The following RBM47 variants were observed in gnomAD, a reference collection of about 807,000 sequenced individuals.
The protein encoded by RBM47 is RNA-binding protein 47.
A neutral mutation model predicts 47.1 loss-of-function variants in RBM47; 21 were observed. The observed-to-expected ratio is 0.45, with a 90% CI of 0.32 to 0.64. The LOEUF is 0.64. RBM47 is among the 30% of genes least tolerant of loss of function. The probability of loss-of-function intolerance (pLI) is 0.05; values close to 1 mark genes in which losing one functional copy is unlikely to be tolerated. For synonymous variants in RBM47, 375 were observed against 361.7 expected (o/e 1.04, Z -0.42); for missense variants, 708 against 870.9 (o/e 0.81, Z 2.35).
chr4:40,531,372 G>C (rs1018149154), intron 2 of RBM47, among the ~76,000 whole-genome samples: 21 of 151,968 alleles, frequency 1.4e-4, no homozygotes, highest in African/African-American at 4.4e-4. Context: ...GAGTAGCTGC[G>C]AAGGAGCTGA....
At chr4:40,580,477 G>A (rs201049535) in intron 1 of RBM47, among the ~76,000 whole-genome samples, 1 of 143,064 alleles carries the variant, frequency 7.0e-6, no homozygotes, top group African/African-American at 2.6e-5. Context: ...CACGTGGGAA[G>A]GCCAGATAAT....
In RBM47 at chr4:40,437,872, T is replaced by C. The variant is rs2154213153; in HGVS notation, c.1022A>G (p.Gln341Arg). 6.2e-7 allele frequency: 1 copy of C among 1,613,914 alleles called. No individual in the cohort carries two copies. The highest frequency in any genetic ancestry group is 8.5e-7 in the Non-Finnish European group (1 of 1,180,018). The part of the protein sequence containing the change: ...ARGGGAAEAA[Q>R]QPSYVYSCDP... Reference sequence around the variant, plus strand: ...GCAGGAGTACACGTAGCTGGGCTGCTGCGCTGCCTCAGCCGCGCCGCCGCC... The same window carrying C: ...GCAGGAGTACACGTAGCTGGGCTGCCGCGCTGCCTCAGCCGCGCCGCCGCC... Residue 341 changes from glutamine (Q) to arginine (R), a missense_variant, in exon 4 of 7, where the codon CAG becomes CGG. Transcript: ENST00000295971.
chr4:40,466,298 T>G (rs1298305900), intron 3 of RBM47, among the ~76,000 whole-genome samples: 1 of 127,244 alleles, frequency 7.9e-6, no homozygotes, highest in African/African-American at 2.9e-5. Context: ...AAGAAAGAAA[T>G]ACAGTTGACC....
chr4:40,629,804 G>A lies in RBM47; in HGVS notation c.-648C>T, dbSNP rs1186913794. 12 of 152,220 alleles carry A rather than the reference G, an allele frequency of 7.9e-5. No homozygotes were observed. The highest frequency in any genetic ancestry group is 7.2e-4 in the Admixed American group (11 of 15,280). The allele number at this position is 152,220 out of a possible 1,614,324, so 9.4% of individuals were successfully genotyped here. ...GGAGCGCGCGGCGGTTCCACCCGCA[G>A]AGCGGCGCCGCGTCCCGGCTGCGTG... On this transcript the variant is annotated 5_prime_UTR_variant, in exon 1 of 7. Coordinates refer to ENST00000295971, the MANE Select transcript of RBM47 (RefSeq NM_001098634.2).
At chr4:40,548,336 G>A (rs759146116) in intron 1 of RBM47, among the ~76,000 whole-genome samples, 2 of 152,192 alleles carry the variant, frequency 1.3e-5, no homozygotes, top group African/African-American at 2.4e-5. Context: ...GGGTGAAGAC[G>A]GGCAGGGGAG....
At chr4:40,466,808 A>T (rs1025760028) in intron 2 of RBM47, 109 bp from the exon 3 acceptor site, 1 of 139,840 alleles carries the variant, frequency 7.2e-6, no homozygotes, top group African/African-American at 2.6e-5. Flanking sequence ...GTAGTTCCTA[A>T]GCATAATAAT....
chr4:40,494,921 A>G (rs1181143835), intron 2 of RBM47, among the ~76,000 whole-genome samples: 1 of 152,170 alleles, frequency 6.6e-6, no homozygotes, highest in East Asian at 1.9e-4. Flanking sequence ...ATATATGTAT[A>G]AATATAATCT....
At chr4:40,584,267 T>TA (rs2154271853) in intron 1 of RBM47, among the ~76,000 whole-genome samples, 1 of 152,332 alleles carries the variant, frequency 6.6e-6, no homozygotes, top group South Asian at 2.1e-4. Flanking sequence ...CTGGGCTGGT[T>TA]GTTCACTTAT....
Position 40,437,133 on chromosome 4 carries a change from A to T in RBM47, c.1124-486T>A, listed in dbSNP as rs1233716067. On this transcript the variant is annotated intron_variant, in intron 4 of 6. Coordinates refer to ENST00000295971, the MANE Select transcript of RBM47 (RefSeq NM_001098634.2). ...TATAAAATACATATATATATATATAAAATACATATATATATATAAAATACA... is the reference window on the plus strand; with the variant it reads ...TATAAAATACATATATATATATATATAATACATATATATATATAAAATACA... Among the ~76,000 whole-genome samples, 119 of 95,726 alleles carry T rather than the reference A, an allele frequency of 1.2e-3. 7 individuals are homozygous for T. Among genetic ancestry groups the T allele is most frequent in the Middle Eastern group, 5.8e-3 (1 of 172 alleles). The allele number at this position is 95,726 out of a possible 152,430, so 62.8% of individuals were successfully genotyped here.
intron 3 of RBM47, among the ~76,000 whole-genome samples, chr4:40,465,182 T>A (rs899487985): frequency 7.2e-5 from 11 of 152,176 alleles, no homozygotes; most frequent in African/African-American, 1.2e-4. Flanking sequence ...GCAGGGATTA[T>A]TGGGCACATC....
rs200814411 is a variant in RBM47, at chr4:40,423,713, T to TTTCTTTCTTTTC, written c.*2190_*2191insGAAAAGAAAGAA. ...CTTTCTTTCTTTCTTTCTTTCTTTC[T>TTTCTTTCTTTTC]TTTCTTTCTTTTCTTTCTTCCTCTT... On this transcript the variant is annotated 3_prime_UTR_variant, in exon 7 of 7. Coordinates refer to ENST00000295971, the MANE Select transcript of RBM47 (RefSeq NM_001098634.2). 1.8e-4 allele frequency: 14 copies of TTTCTTTCTTTTC among 78,240 alleles called. No homozygotes were observed. In the East Asian group the frequency reaches 1.9e-3, roughly 11 times the overall value. 4.8% of individuals were successfully genotyped at this position (78,240 alleles called of 1,614,324 possible).
intron 1 of RBM47, among the ~76,000 whole-genome samples, chr4:40,596,954 T>C (rs2154276429): frequency 6.6e-6 from 1 of 152,280 alleles, no homozygotes; most frequent in Non-Finnish European, 1.5e-5. Context: ...ATTAAGTATT[T>C]AAGTATTTAA....
chr4:40,619,807 C>T (rs1231648900), intron 1 of RBM47, among the ~76,000 whole-genome samples: 1 of 152,180 alleles, frequency 6.6e-6, no homozygotes, highest in Non-Finnish European at 1.5e-5. Context: ...TCATCTCCAC[C>T]CAACAAAGAA....
At chr4:40,583,586 C>T (rs1276485597) in intron 1 of RBM47, among the ~76,000 whole-genome samples, 6 of 151,688 alleles carry the variant, frequency 4.0e-5, no homozygotes, top group African/African-American at 9.7e-5. Context: ...GGGCCAGGCG[C>T]GGTGGCTCAT....
At chr4:40,592,421 T>C (rs1031451197) in intron 1 of RBM47, among the ~76,000 whole-genome samples, 2 of 133,520 alleles carry the variant, frequency 1.5e-5, no homozygotes, top group Non-Finnish European at 3.2e-5. Flanking sequence ...TAATCTTTTT[T>C]TTTTCTTTTT....
chr4:40,563,178 A>G (rs1190351776), intron 1 of RBM47, among the ~76,000 whole-genome samples: 1 of 152,222 alleles, frequency 6.6e-6, no homozygotes. Flanking sequence ...GCGACAGAGC[A>G]AGACTCCATC....
At chr4:40,508,010 G>A (rs1411984915) in intron 2 of RBM47, among the ~76,000 whole-genome samples, 2 of 152,140 alleles carry the variant, frequency 1.3e-5, no homozygotes, top group East Asian at 1.9e-4. Context: ...AGGTTGCGGT[G>A]AGCCGAGATC....
chr4:40,496,814 T>C (rs1353166945), intron 2 of RBM47, among the ~76,000 whole-genome samples: 1 of 151,612 alleles, frequency 6.6e-6, no homozygotes, highest in Non-Finnish European at 1.5e-5. Context: ...CAAAGGTGGG[T>C]GGATCACCTG....
chr4:40,488,599 G>T (rs75948036), intron 2 of RBM47, among the ~76,000 whole-genome samples: 1 of 152,112 alleles, frequency 6.6e-6, no homozygotes, highest in Non-Finnish European at 1.5e-5. Context: ...CTTTGCAACC[G>T]CAAGTGAGAA....
Sources: allele counts gnomAD v4.1 joint callset (sites outside exome capture counted in the v4.1 genomes callset), GRCh38; gene constraint gnomAD v4.1.1; transcripts MANE v1.5; gene names NCBI Gene and HGNC (gene_info 2026-07-23, HGNC 2026-07-21).